Variants in NPSR1 observed in about 807,000 individuals in gnomAD.
The protein encoded by NPSR1 is neuropeptide S receptor.
A neutral mutation model predicts 46.9 loss-of-function variants in NPSR1; 48 were observed. The ratio of observed to expected loss-of-function variants is 1.02; its 90% CI spans 0.81 to 1.30. The LOEUF (loss-of-function observed/expected upper bound fraction) is 1.30, where lower values mean the gene tolerates loss of function less well. NPSR1 is among the 50% of genes most tolerant of loss of function. The probability of loss-of-function intolerance (pLI) is 0.00; values close to 1 mark genes in which losing one functional copy is unlikely to be tolerated. For synonymous variants in NPSR1, 176 were observed against 168.1 expected, an observed-to-expected ratio of 1.05 and a Z score of -0.36; for missense variants, 450 against 449.5, an observed-to-expected ratio of 1.00 and a Z score of -0.01.
chr7:34,675,908 T>C (rs1792290872), intron 1 of NPSR1, among the ~76,000 whole-genome samples: 1 of 152,168 alleles, frequency 6.6e-6, no homozygotes, highest in Admixed American at 6.5e-5. Context: ...TTCCACTCAG[T>C]ATTGGACCAT....
intron 3 of NPSR1, among the ~76,000 whole-genome samples, chr7:34,790,738 TTA>T (rs1254030916): frequency 2.5e-5 from 3 of 120,580 alleles, no homozygotes; most frequent in Non-Finnish European, 5.1e-5. Flanking sequence ...ATGTTATATG[TTA>T]TATATAATAT....
Position 34,830,726 on chromosome 7 carries a change from T to G in NPSR1, c.680+3124T>G, listed in dbSNP as rs916270567. 3.9e-5 allele frequency among the ~76,000 whole-genome samples: 6 copies of G among 152,240 alleles called. No individual in the cohort carries two copies. The East Asian group carries it at 9.6e-4, about 24-fold the overall frequency. ...GAAAAAGCACAAATAACTAACTCAG[T>G]GGCTTTTCTGCCACAAATACCTCAT... is the stretch of plus-strand genomic sequence containing the variant. On this transcript the variant is annotated intron_variant, in intron 5 of 8. Coordinates refer to ENST00000360581, the MANE Select transcript of NPSR1 (RefSeq NM_207172.2).
At chr7:34,692,826 A>G (rs1258285987) in intron 2 of NPSR1, among the ~76,000 whole-genome samples, 1 of 152,232 alleles carries the variant, frequency 6.6e-6, no homozygotes, top group African/African-American at 2.4e-5. Flanking sequence ...TGAAACAAGA[A>G]ACAGGAGAGA....
At chr7:34,708,621 C>T (rs1309991401) in intron 2 of NPSR1, among the ~76,000 whole-genome samples, 1 of 152,184 alleles carries the variant, frequency 6.6e-6, no homozygotes, top group Non-Finnish European at 1.5e-5. Context: ...TTTCTCAGGG[C>T]TTTGGGATTG....
intron 5 of NPSR1, among the ~76,000 whole-genome samples, chr7:34,829,432 G>T (rs12701388): frequency 6.6e-6 from 1 of 152,206 alleles, no homozygotes; most frequent in Non-Finnish European, 1.5e-5. Flanking sequence ...AAGTCACAGC[G>T]CATGGGAAGG....
chr7:34,724,135 C>T (rs1236219008), intron 2 of NPSR1, among the ~76,000 whole-genome samples: 2 of 152,166 alleles, frequency 1.3e-5, no homozygotes, highest in Non-Finnish European at 2.9e-5. Flanking sequence ...GCTCATTTCT[C>T]CAAAAGCATA....
intron 3 of NPSR1, among the ~76,000 whole-genome samples, chr7:34,792,639 GTGTATATATATA>G (rs1787944346): frequency 2.8e-5 from 2 of 71,046 alleles, no homozygotes; most frequent in Admixed American, 1.4e-4. Flanking sequence ...GTGTGTGTAT[GTGTATATATATA>G]TGTATATATA....
At chr7:34,823,170 C>T (rs1324264950) in intron 4 of NPSR1, among the ~76,000 whole-genome samples, 1 of 151,954 alleles carries the variant, frequency 6.6e-6, no homozygotes, top group Non-Finnish European at 1.5e-5. Context: ...GTGGGTGGAT[C>T]ACTTGAGGTC....
At chr7:34,877,295 A>G (rs1791598676) in intron 8 of NPSR1, among the ~76,000 whole-genome samples, 1 of 152,156 alleles carries the variant, frequency 6.6e-6, no homozygotes. Context: ...CCAAGCTGAG[A>G]TCAAAATGGT....
Position 34,781,022 on chromosome 7 carries a change from C to G in NPSR1, c.384+2457C>G, listed in dbSNP as rs1787205042. On this transcript the variant is annotated intron_variant, in intron 3 of 8. Coordinates refer to ENST00000360581, the MANE Select transcript of NPSR1 (RefSeq NM_207172.2). The stretch of plus-strand genomic sequence containing the variant: ...AGATATCCATAGGGGATTTGAAAAT[C>G]TCTGACATACTCCCAAAAATCTAGA... Among the ~76,000 whole-genome samples the G allele has an allele frequency of 2.0e-5, 3 of 152,150 alleles. No individual in the cohort carries two copies. The South Asian group carries it at 6.2e-4, about 32-fold the overall frequency.
chr7:34,826,190 G>A (rs187041564), intron 4 of NPSR1, among the ~76,000 whole-genome samples: 4 of 152,256 alleles, frequency 2.6e-5, no homozygotes, highest in African/African-American at 9.6e-5. Flanking sequence ...ACCTTAATCA[G>A]ATTGCTATTA....
intron 2 of NPSR1, among the ~76,000 whole-genome samples, chr7:34,738,982 C>T (rs1225869536): frequency 6.6e-6 from 1 of 152,166 alleles, no homozygotes. Flanking sequence ...TAAATGGAAT[C>T]ATGGTAGAAT....
intron 2 of NPSR1, among the ~76,000 whole-genome samples, chr7:34,708,810 G>A (rs1427353529): frequency 2.0e-5 from 3 of 152,170 alleles, no homozygotes; most frequent in Non-Finnish European, 4.4e-5. Flanking sequence ...ATTGTACACA[G>A]ATCAAATAAA....
At chr7:34,703,649 G>T (rs1793960718) in intron 2 of NPSR1, among the ~76,000 whole-genome samples, 1 of 151,866 alleles carries the variant, frequency 6.6e-6, no homozygotes, top group Non-Finnish European at 1.5e-5. Context: ...ATTCTATTAG[G>T]AATCTTGGCT....
intron 1 of NPSR1, among the ~76,000 whole-genome samples, chr7:34,681,643 C>A (rs998810727): frequency 2.0e-5 from 3 of 152,276 alleles, no homozygotes; most frequent in Non-Finnish European, 4.4e-5. Flanking sequence ...GCCATCCCAG[C>A]CTCCAGCATG....
At chr7:34,857,653 T>C (rs1317562531) in intron 8 of NPSR1, among the ~76,000 whole-genome samples, 2 of 151,652 alleles carry the variant, frequency 1.3e-5, no homozygotes, top group Non-Finnish European at 1.5e-5. Flanking sequence ...AAAAATAATG[T>C]GACAAAACAC....
At chr7:34,754,936 T>C (rs1431440541) in intron 2 of NPSR1, among the ~76,000 whole-genome samples, 1 of 152,060 alleles carries the variant, frequency 6.6e-6, no homozygotes, top group East Asian at 1.9e-4. Context: ...TCAAGGTTCA[T>C]TTTTGTTGTA....
chr7:34,727,128 T>C (rs1467086693), intron 2 of NPSR1, among the ~76,000 whole-genome samples: 1 of 152,072 alleles, frequency 6.6e-6, no homozygotes, highest in Non-Finnish European at 1.5e-5. Context: ...GCAGAGAGTA[T>C]ATAGAAACTC....
intron 2 of NPSR1, among the ~76,000 whole-genome samples, chr7:34,717,401 G>T (rs752861086): frequency 1.3e-5 from 2 of 152,216 alleles, no homozygotes; most frequent in Non-Finnish European, 2.9e-5. Context: ...AAAGTGCTGG[G>T]ATTACAGGCG....
Sources: gnomAD v4.1 joint callset for allele counts (sites outside exome capture counted in the v4.1 genomes callset) on GRCh38, gnomAD v4.1.1 for gene constraint, MANE v1.5 for transcripts, NCBI Gene and HGNC (gene_info 2026-07-23, HGNC 2026-07-21) for gene names.